Variants in SLC35F1 observed in about 807,000 individuals in gnomAD.
SLC35F1 encodes the protein solute carrier family 35 member F1.
In SLC35F1, 14 loss-of-function variants were observed where a neutral mutation model predicts 48.7. The observed-to-expected ratio is 0.29, with a 90% CI of 0.19 to 0.45. The LOEUF (loss-of-function observed/expected upper bound fraction) is 0.45, where lower values mean the gene tolerates loss of function less well. SLC35F1 is among the 20% of genes least tolerant of loss of function. The pLI is 1.00. For synonymous variants in SLC35F1, 190 were observed against 202.2 expected, an observed-to-expected ratio of 0.94 and a Z score of 0.51; for missense variants, 404 against 500.0, an observed-to-expected ratio of 0.81 and a Z score of 1.83.
At chr6:118,295,750 C>A (rs1776175810) in intron 7 of SLC35F1, among the ~76,000 whole-genome samples, 1 of 152,042 alleles carries the variant, frequency 6.6e-6, no homozygotes, top group South Asian at 2.1e-4. Context: ...TTATAGTGCC[C>A]AAATGTAATT....
chr6:118,254,516 A>C (rs1775618294), intron 3 of SLC35F1, among the ~76,000 whole-genome samples: 1 of 152,084 alleles, frequency 6.6e-6, no homozygotes, highest in African/African-American at 2.4e-5. Context: ...TCCTGGCTTC[A>C]AGTAATCCTC....
chr6:117,912,019 C>T (rs1394214551), intron 1 of SLC35F1, among the ~76,000 whole-genome samples: 2 of 152,076 alleles, frequency 1.3e-5, no homozygotes, highest in Admixed American at 1.3e-4. Flanking sequence ...TTATCTTTTC[C>T]CACATGAGTA....
At chr6:118,205,519 A>T (rs565838812) in intron 2 of SLC35F1, among the ~76,000 whole-genome samples, 100 of 152,332 alleles carry the variant, frequency 6.6e-4, no homozygotes, top group African/African-American at 2.4e-3. Flanking sequence ...GTTAGCAGTG[A>T]TGTGGATATA....
At chr6:118,160,052 G>A (rs763098) in intron 2 of SLC35F1, among the ~76,000 whole-genome samples, 32,243 of 152,044 alleles carry the variant, frequency 0.21, 3,775 homozygotes, top group East Asian at 0.37. Flanking sequence ...AGGATGCTGA[G>A]GGTAAAAAGA....
intron 1 of SLC35F1, among the ~76,000 whole-genome samples, chr6:118,014,133 C>T (rs1194752546): frequency 6.6e-6 from 1 of 152,170 alleles, no homozygotes; most frequent in East Asian, 1.9e-4. Flanking sequence ...ATTTTCCTTA[C>T]TTGCAAAATG....
At chr6:118,237,680 C>T (rs933245671) in intron 3 of SLC35F1, among the ~76,000 whole-genome samples, 7 of 152,122 alleles carry the variant, frequency 4.6e-5, no homozygotes, top group Non-Finnish European at 7.4e-5. Flanking sequence ...ATGAGCCACA[C>T]GCCCAGCCCG....
intron 1 of SLC35F1, among the ~76,000 whole-genome samples, chr6:117,932,534 T>C (rs1776115894): frequency 6.6e-6 from 1 of 152,146 alleles, no homozygotes; most frequent in African/African-American, 2.4e-5. Flanking sequence ...TAAATTAACT[T>C]TCTGTACCCA....
At chr6:118,234,215 C>T (rs1775332900) in intron 2 of SLC35F1, among the ~76,000 whole-genome samples, 1 of 152,290 alleles carries the variant, frequency 6.6e-6, no homozygotes, top group East Asian at 1.9e-4. Context: ...CTCCAAGGAT[C>T]TCTGCCTCCT....
intron 1 of SLC35F1, among the ~76,000 whole-genome samples, chr6:118,012,898 G>C (rs1043328498): frequency 5.3e-5 from 8 of 149,664 alleles, no homozygotes; most frequent in African/African-American, 2.0e-4. Flanking sequence ...GTGGTTACTT[G>C]GAATTTGGAT....
intron 1 of SLC35F1, among the ~76,000 whole-genome samples, chr6:117,981,530 C>T (rs1582598643): frequency 6.6e-6 from 1 of 152,148 alleles, no homozygotes; most frequent in East Asian, 1.9e-4. Flanking sequence ...TGGGAGTTGA[C>T]AGGGCATTTA....
At chr6:118,062,036 A>G (rs34442334) in intron 1 of SLC35F1, among the ~76,000 whole-genome samples, 27,249 of 151,128 alleles carry the variant, frequency 0.18, 2,659 homozygotes, top group Admixed American at 0.29. Flanking sequence ...CCCATATTCT[A>G]GTGGATACCT....
intron 1 of SLC35F1, among the ~76,000 whole-genome samples, chr6:117,954,798 T>C (rs1200672074): frequency 6.6e-6 from 1 of 152,192 alleles, no homozygotes; most frequent in Non-Finnish European, 1.5e-5. Context: ...TCACAGGCTG[T>C]GTCCTTTGGT....
chr6:118,252,411 G>T (rs1358518803), intron 3 of SLC35F1, among the ~76,000 whole-genome samples: 1 of 152,088 alleles, frequency 6.6e-6, no homozygotes, highest in Non-Finnish European at 1.5e-5. Context: ...AGCCAAGAAT[G>T]GTTCCTTAGT....
At chr6:118,118,244 T>C (rs1184492122) in intron 1 of SLC35F1, among the ~76,000 whole-genome samples, 1 of 152,224 alleles carries the variant, frequency 6.6e-6, no homozygotes, top group African/African-American at 2.4e-5. Flanking sequence ...GTCATCAGTC[T>C]TTATAACTTT....
chr6:118,272,022 A>G (rs1188712274), intron 4 of SLC35F1, among the ~76,000 whole-genome samples: 1 of 152,174 alleles, frequency 6.6e-6, no homozygotes, highest in South Asian at 2.1e-4. Flanking sequence ...ATCAGACCCA[A>G]CTCTACCAAT....
At chr6:118,064,534 G>A (rs1772586865) in intron 1 of SLC35F1, among the ~76,000 whole-genome samples, 2 of 152,136 alleles carry the variant, frequency 1.3e-5, no homozygotes, top group Admixed American at 6.6e-5. Flanking sequence ...GCAGATGACA[G>A]GACAACTGAA....
chr6:118,313,730 C>T (rs1562359494), intron 7 of SLC35F1, among the ~76,000 whole-genome samples: 1 of 152,168 alleles, frequency 6.6e-6, no homozygotes, highest in East Asian at 1.9e-4. Context: ...TAACTTGATG[C>T]ATTTTAATTT....
chr6:118,277,808 G>A (rs1034391419), intron 6 of SLC35F1, among the ~76,000 whole-genome samples: 16 of 150,120 alleles, frequency 1.1e-4, no homozygotes, highest in African/African-American at 4.0e-4. Context: ...GTGTTATTAG[G>A]TTAAACACCA....
intron 1 of SLC35F1, among the ~76,000 whole-genome samples, chr6:118,102,228 G>A (rs954684194): frequency 6.6e-6 from 1 of 152,162 alleles, no homozygotes; most frequent in African/African-American, 2.4e-5. Flanking sequence ...CTGTTACCCA[G>A]CCTGAAGTGC....
Sources: allele counts gnomAD v4.1 joint callset (sites outside exome capture counted in the v4.1 genomes callset), GRCh38; gene constraint gnomAD v4.1.1; transcripts MANE v1.5; gene names NCBI Gene and HGNC (gene_info 2026-07-23, HGNC 2026-07-21).